Variants in RP1L1 observed in about 807,000 individuals in gnomAD.
RP1L1 encodes the protein retinitis pigmentosa 1-like 1 protein.
In RP1L1, 27 loss-of-function variants were observed where a neutral mutation model predicts 15.7. That is an observed-to-expected ratio of 1.72 (90% CI 1.27 to 2.38). RP1L1 has a LOEUF of 2.38. Among genes scored for constraint, RP1L1 ranks in the 30% most tolerant of loss-of-function variants. The pLI is 0.00. For synonymous variants in RP1L1, 1,813 were observed against 1,276.7 expected (o/e 1.42, Z -8.96); for missense variants, 4,798 against 3,075.9 (o/e 1.56, Z -13.24).
intron 1 of RP1L1, among the ~76,000 whole-genome samples, chr8:10,641,673 G>C (rs975755565): frequency 6.6e-6 from 1 of 152,192 alleles, no homozygotes; most frequent in African/African-American, 2.4e-5. Context: ...CATTTATCCA[G>C]AGAAATGAAA....
Position 10,608,032 on chromosome 8 carries a change from A to G in RP1L1, c.6066T>C (p.Gly2022=), listed in dbSNP as rs200048339. The G allele has an allele frequency of 5.1e-6, 8 of 1,583,166 alleles. 1 individual carries two copies. The Admixed American group carries it at 1.4e-4, about 28-fold the overall frequency. The change falls in exon 4 of 4, where the codon GGT becomes GGC. Residue 2022 remains glycine (G), a synonymous_variant. Coordinates refer to ENST00000382483, the MANE Select transcript of RP1L1 (RefSeq NM_178857.6). ...AEEEAQPESD[G]VEAQPKSEGE... is the part of the protein sequence containing the mutation. ...CTTCTGACTTTGGCTGGGCCTCTAC[A>G]CCGTCTGACTCTGGCTGGGCCTCCT...
At chr8:10,613,469 A>C in intron 3 of RP1L1, 123 bp from the exon 4 acceptor site, 2 of 1,385,280 alleles carry the variant, frequency 1.4e-6, no homozygotes, top group Non-Finnish European at 9.9e-7. Context: ...CTGCCTCCAA[A>C]ATGCACGGTG....
At chr8:10,652,346 G>A (rs1798574955) in intron 1 of RP1L1, among the ~76,000 whole-genome samples, 2 of 152,204 alleles carry the variant, frequency 1.3e-5, no homozygotes, top group South Asian at 4.1e-4. Flanking sequence ...TGACAATATA[G>A]ATATCCATCC....
rs376165018 is a variant in RP1L1 at position 10,617,280 on chromosome 8, A to G, written c.610-693T>C. The stretch of plus-strand genomic sequence containing the variant: ...AGCCCCTGCAGATCTGAGGGTTTGC[A>G]CTATTGATGGGATTACATTGTAATG... On this transcript the variant is annotated intron_variant, in intron 2 of 3. Transcript: ENST00000382483. Among the ~76,000 whole-genome samples, 39 of 151,828 alleles carry G rather than the reference A, an allele frequency of 2.6e-4. No homozygotes were observed. The South Asian group carries it at 8.1e-3, about 32-fold the overall frequency.
At chr8:10,650,167 G>A (rs1042193103) in intron 1 of RP1L1, among the ~76,000 whole-genome samples, 4 of 152,162 alleles carry the variant, frequency 2.6e-5, no homozygotes, top group African/African-American at 4.8e-5. Flanking sequence ...CAACCACCAC[G>A]TGATCATGAG....
At chr8:10,637,625 A>C (rs1173286822) in intron 1 of RP1L1, among the ~76,000 whole-genome samples, 1 of 152,174 alleles carries the variant, frequency 6.6e-6, no homozygotes, top group African/African-American at 2.4e-5. Flanking sequence ...CTCCCCATTT[A>C]TAGTCACTAG....
intron 1 of RP1L1, among the ~76,000 whole-genome samples, chr8:10,633,274 C>G (rs1183601674): frequency 6.6e-6 from 1 of 152,150 alleles, no homozygotes; most frequent in Non-Finnish European, 1.5e-5. Context: ...ACCTCTCTCT[C>G]CCTCTACTCT....
Position 10,610,275 on chromosome 8 carries a change from C to T in RP1L1, c.3823G>A (p.Glu1275Lys), listed in dbSNP as rs1797819467. 6.2e-7 allele frequency: 1 copy of T among 1,614,222 alleles called. No individual in the cohort carries two copies. The highest frequency in any genetic ancestry group is 8.5e-7 in the Non-Finnish European group (1 of 1,180,052). Residue 1275 changes from glutamate to lysine, a missense_variant, in exon 4 of 4, where the codon GAA (glutamate) becomes AAA (lysine). Transcript: ENST00000382483. ...TGCTCCTCACTGTCTCTTTCTGCTTCATCCTCATTGGTGGCACAAGCGCAG... is the reference window on the plus strand; with the variant it reads ...TGCTCCTCACTGTCTCTTTCTGCTTTATCCTCATTGGTGGCACAAGCGCAG... ...RACACATNED[E>K]AERDSEEQRA...
intron 1 of RP1L1, among the ~76,000 whole-genome samples, chr8:10,631,279 G>C (rs937227263): frequency 2.8e-5 from 4 of 143,832 alleles, no homozygotes; most frequent in African/African-American, 7.9e-5. Flanking sequence ...AAACACGCAT[G>C]CACACACACG....
chr8:10,620,919 T>C (rs978988511), intron 2 of RP1L1, among the ~76,000 whole-genome samples: 1 of 152,210 alleles, frequency 6.6e-6, no homozygotes, highest in Admixed American at 6.5e-5. Context: ...TCGGTCACTC[T>C]GCTGAGTACA....
At chr8:10,613,387 G>C (rs1563126385) in intron 3 of RP1L1, 41 bp from the exon 4 acceptor site, 1 of 1,598,490 alleles carries the variant, frequency 6.3e-7, no homozygotes, top group Middle Eastern at 1.7e-4. Context: ...AGAAAAGACT[G>C]TGAGCCATGG....
chr8:10,643,591 A>G (rs780631052), intron 1 of RP1L1, among the ~76,000 whole-genome samples: 6 of 152,164 alleles, frequency 3.9e-5, no homozygotes, highest in Non-Finnish European at 7.4e-5. Context: ...GAAAAGAAAA[A>G]AAAATAGCTG....
chr8:10,641,059 C>G (rs1296934038), intron 1 of RP1L1, among the ~76,000 whole-genome samples: 1 of 152,182 alleles, frequency 6.6e-6, no homozygotes, highest in African/African-American at 2.4e-5. Flanking sequence ...GCATATGTCA[C>G]CACAACTGAC....
chr8:10,611,569 A>AG lies in RP1L1; in HGVS notation c.2528dup (p.Glu844Ter), dbSNP rs34390354. On this transcript the variant is annotated frameshift_variant, in exon 4 of 4. Coordinates refer to ENST00000382483, the MANE Select transcript of RP1L1 (RefSeq NM_178857.6). LOFTEE classifies it low-confidence loss of function (END_TRUNC). ...ACCTGCCACACAGCCAGCTAGCCTC[A>AG]GGGGAGGGTCCCCGCTGGGCCTCTT... 2 of 1,606,536 alleles carry AG rather than the reference A, an allele frequency of 1.2e-6. No homozygotes were observed. Among genetic ancestry groups the AG allele is most frequent in the Non-Finnish European group, 1.7e-6 (2 of 1,176,758 alleles).
chr8:10,652,393 A>G (rs1197437444), intron 1 of RP1L1, among the ~76,000 whole-genome samples: 2 of 152,190 alleles, frequency 1.3e-5, no homozygotes, highest in East Asian at 1.9e-4. Flanking sequence ...CTGATCCATC[A>G]TGAGTGGTGG....
intron 1 of RP1L1, among the ~76,000 whole-genome samples, chr8:10,645,668 G>A (rs2117263339): frequency 6.6e-6 from 1 of 152,302 alleles, no homozygotes; most frequent in East Asian, 1.9e-4. Context: ...TCTGGGAAGG[G>A]AAGGAGTCGC....
intron 1 of RP1L1, among the ~76,000 whole-genome samples, chr8:10,630,027 C>T (rs1798216854): frequency 1.3e-5 from 2 of 152,220 alleles, no homozygotes; most frequent in African/African-American, 2.4e-5. Flanking sequence ...GCTGAGGCCC[C>T]ATCCTGAGTG....
At chr8:10,652,161 A>AACACACTT (rs879536377) in intron 1 of RP1L1, among the ~76,000 whole-genome samples, 2 of 152,166 alleles carry the variant, frequency 1.3e-5, no homozygotes, top group African/African-American at 2.4e-5. Context: ...GCTGTCTAAC[A>AACACACTT]ACACACTTCT....
rs180953943 is a variant in RP1L1 at position 10,646,932 on chromosome 8, C to A, written c.-20+7966G>T. Among the ~76,000 whole-genome samples the A allele has an allele frequency of 4.6e-5, 7 of 152,366 alleles. No individual in the cohort carries two copies. In the South Asian group the frequency reaches 6.2e-4, roughly 14 times the overall value. ...ACTTTTCTCAAATGCCAACCTCCCC[C>A]CCTCAGTTGTCAGCTTCCTTGGGGG... On this transcript the variant is annotated intron_variant, in intron 1 of 3. Transcript: ENST00000382483.
Sources: allele counts gnomAD v4.1 joint callset (sites outside exome capture counted in the v4.1 genomes callset), GRCh38; gene constraint gnomAD v4.1.1; transcripts MANE v1.5; gene names NCBI Gene and HGNC (gene_info 2026-07-23, HGNC 2026-07-21).